SLC25A37: variants seen among roughly 807,000 people sequenced by gnomAD.
The protein encoded by SLC25A37 is mitoferrin-1.
Under a neutral mutation model 31.0 loss-of-function variants are expected in SLC25A37, and 17 were observed. The ratio of observed to expected loss-of-function variants is 0.55; its 90% CI spans 0.38 to 0.82. SLC25A37 has a LOEUF of 0.82. SLC25A37 is among the 40% of genes least tolerant of loss of function. The pLI is 0.00. For missense variants in SLC25A37, 404 were observed against 465.8 expected, an observed-to-expected ratio of 0.87 and a Z score of 1.22; for synonymous variants, 222 against 193.0, an observed-to-expected ratio of 1.15 and a Z score of -1.24.
intron 1 of SLC25A37, among the ~76,000 whole-genome samples, chr8:23,536,342 C>T (rs558503063): frequency 6.6e-6 from 1 of 152,156 alleles, no homozygotes; most frequent in Non-Finnish European, 1.5e-5. Flanking sequence ...TCTCTACTTC[C>T]TCACTGCCAC....
At position 23,529,015 on chromosome 8, in the gene SLC25A37, A is replaced by G; in HGVS notation, c.13A>G (p.Ser5Gly). The G allele has an allele frequency of 2.0e-6, 3 of 1,532,112 alleles. No individual in the cohort carries two copies. The highest frequency in any genetic ancestry group is 2.6e-6 in the Non-Finnish European group (3 of 1,139,792). 94.9% of individuals were successfully genotyped at this position (1,532,112 alleles called of 1,614,324 possible). The change falls in exon 1 of 4, where the codon AGC (serine) becomes GGC (glycine). Residue 5 changes from serine (S) to glycine (G), a missense_variant. This residue lies in a region of SLC25A37 where 154 missense variants were observed against 153.6 expected (regional missense o/e 1.00). Transcript: ENST00000519973. This position sits in a 1 kb window ranked among gnomAD's most constrained non-coding sequence, Gnocchi z 4.1. ...GCCGAGCTGGCGGATGGAGCTGCGC[A>G]GCGGGAGCGTGGGCAGCCAGGCGGT... MELR[S>G]GSVGSQAVAR...
chr8:23,550,599 T>A (rs1802197262), intron 1 of SLC25A37, among the ~76,000 whole-genome samples: 1 of 152,242 alleles, frequency 6.6e-6, no homozygotes, highest in African/African-American at 2.4e-5. Context: ...GGTGCCTGGC[T>A]CCCTGGCCTG....
At chr8:23,553,458 A>T (rs888493824) in intron 1 of SLC25A37, among the ~76,000 whole-genome samples, 1 of 152,022 alleles carries the variant, frequency 6.6e-6, no homozygotes, top group Non-Finnish European at 1.5e-5. Flanking sequence ...AAAAACCAAC[A>T]ATTTTGAGGA....
chr8:23,575,461 G>A lies in SLC25A37; in HGVS notation c.*3606G>A, dbSNP rs910176438. ...TAGAGAAAATAAAGTACTGATCTTC[G>A]AAGTGTTGTGGGCTCTGTGGTGGGA... On this transcript the variant is annotated 3_prime_UTR_variant, in exon 4 of 4. Coordinates refer to ENST00000519973, the MANE Select transcript of SLC25A37 (RefSeq NM_016612.4). 1 of 152,166 alleles carries A rather than the reference G, an allele frequency of 6.6e-6. No individual in the cohort carries two copies. Among genetic ancestry groups the A allele is most frequent in the African/African-American group, 2.4e-5 (1 of 41,422 alleles). 9.4% of individuals were successfully genotyped at this position (152,166 alleles called of 1,614,324 possible).
At position 23,529,069 on chromosome 8, in the gene SLC25A37, G is replaced by T; in HGVS notation, c.67G>T (p.Asp23Tyr). The change falls in exon 1 of 4, where the codon GAT becomes TAT. Residue 23 changes from aspartate to tyrosine, a missense_variant. Asp to Tyr is a radical substitution (Grantham distance 160). Around this residue, in one of 3 missense-constraint regions of SLC25A37, gnomAD observed 154 missense variants for 153.6 expected, o/e 1.00. Coordinates refer to ENST00000519973, the MANE Select transcript of SLC25A37 (RefSeq NM_016612.4). The surrounding 1 kb of genome is among the most constrained non-coding windows in gnomAD (Gnocchi z 4.1). ...GCGGAGGATGGATGGGGACAGCCGAGATGGCGGCGGCGGCAAGGACGCCAC... is the reference window on the plus strand; with the variant it reads ...GCGGAGGATGGATGGGGACAGCCGATATGGCGGCGGCGGCAAGGACGCCAC... The part of the protein sequence containing the change: ...VARRMDGDSR[D>Y]GGGGKDATGS... 2 of 1,593,440 alleles carry T rather than the reference G, an allele frequency of 1.3e-6. No individual in the cohort carries two copies. The highest frequency in any genetic ancestry group is 1.7e-6 in the Non-Finnish European group (2 of 1,171,166).
In SLC25A37 at chr8:23,536,869, C is replaced by T. The variant is rs111565613; in HGVS notation, c.210+7657C>T. Reference sequence around the variant, plus strand: ...CCTTGGTTCAGGGACCTGGATGTCTCCTCTTCCTTGAGATCCCAGACTGCC... The same window carrying T: ...CCTTGGTTCAGGGACCTGGATGTCTTCTCTTCCTTGAGATCCCAGACTGCC... On this transcript the variant is annotated intron_variant, in intron 1 of 3. Coordinates refer to ENST00000519973, the MANE Select transcript of SLC25A37 (RefSeq NM_016612.4). Among the ~76,000 whole-genome samples the T allele has an allele frequency of 5.2e-3, 793 of 152,294 alleles. 3 individuals are homozygous for T. Among genetic ancestry groups the T allele is most frequent in the Middle Eastern group, 0.01 (3 of 294 alleles).
rs17089330 is a variant in SLC25A37 at position 23,533,274 on chromosome 8, C to T, written c.210+4062C>T. On this transcript the variant is annotated intron_variant, in intron 1 of 3. Coordinates refer to ENST00000519973, the MANE Select transcript of SLC25A37 (RefSeq NM_016612.4). The stretch of plus-strand genomic sequence containing the variant: ...CAGGCTGGAGCGTGGTTTGGAGGCG[C>T]GTGCCCAAGAGTACTGTGAACAGCA... 2.8e-4 allele frequency among the ~76,000 whole-genome samples: 43 copies of T among 152,192 alleles called. 1 individual carries two copies. The highest frequency in any genetic ancestry group is 2.7e-3 in the Admixed American group (42 of 15,284).
chr8:23,562,796 C>T (rs1802551178), intron 1 of SLC25A37, among the ~76,000 whole-genome samples: 1 of 152,144 alleles, frequency 6.6e-6, no homozygotes. Context: ...CAGGGTCACA[C>T]CATGAGTGAT....
At chr8:23,553,028 T>C (rs1337186484) in intron 1 of SLC25A37, among the ~76,000 whole-genome samples, 18 of 152,106 alleles carry the variant, frequency 1.2e-4, no homozygotes, top group Non-Finnish European at 1.5e-4. Context: ...CACACATGGG[T>C]TGATGTGCAT....
chr8:23,531,388 AT>A (rs1801658157), intron 1 of SLC25A37, among the ~76,000 whole-genome samples: 1 of 152,214 alleles, frequency 6.6e-6, no homozygotes, highest in Non-Finnish European at 1.5e-5. Flanking sequence ...CACTTGCTTC[AT>A]GCCTCGGGCA....
At position 23,571,562 on chromosome 8, in the gene SLC25A37, G is replaced by T. The variant is rs371605159; in HGVS notation, c.724G>T (p.Gly242Trp). The T allele has an allele frequency of 1.2e-6, 2 of 1,613,616 alleles. No homozygotes were observed. Among genetic ancestry groups the T allele is most frequent in the African/African-American group, 2.7e-5 (2 of 74,924 alleles). Residue 242 changes from glycine to tryptophan, a missense_variant, in exon 4 of 4, where the codon GGG becomes TGG. Transcript: ENST00000519973. ...CCCGCAGTCCCACATCATCTCAGGC[G>T]GGCTGGCCGGGGCCCTCGCCGCGGC... The part of the protein sequence containing the change: ...YNPQSHIISG[G>W]LAGALAAAAT...
Position 23,535,324 on chromosome 8 carries a change from A to G in SLC25A37, c.210+6112A>G, listed in dbSNP as rs149964945. Among the ~76,000 whole-genome samples the G allele has an allele frequency of 5.7e-3, 865 of 152,012 alleles. 8 individuals carry two copies. The highest frequency in any genetic ancestry group is 0.02 in the African/African-American group (821 of 41,444). ...CTTCACGAGGGTCCTGTTGCCCCTT[A>G]GCTCCCCACCCTATTGTTGTCAGCC... On this transcript the variant is annotated intron_variant, in intron 1 of 3. Coordinates refer to ENST00000519973, the MANE Select transcript of SLC25A37 (RefSeq NM_016612.4).
intron 1 of SLC25A37, among the ~76,000 whole-genome samples, chr8:23,552,939 T>A (rs1234848454): frequency 6.6e-6 from 1 of 152,202 alleles, no homozygotes; most frequent in Non-Finnish European, 1.5e-5. Context: ...GCTGCCGGGC[T>A]GCAGCGTGGA....
rs1433283645 is a variant in SLC25A37 at position 23,573,566 on chromosome 8, G to C, written c.*1711G>C. On this transcript the variant is annotated 3_prime_UTR_variant, in exon 4 of 4. Coordinates refer to ENST00000519973, the MANE Select transcript of SLC25A37 (RefSeq NM_016612.4). ...GGCGCAGGCCTGGATTCTTTTGAGTGGTGCTACTGCCTAGGAAGTAACACG... is the reference window on the plus strand; with the variant it reads ...GGCGCAGGCCTGGATTCTTTTGAGTCGTGCTACTGCCTAGGAAGTAACACG... The C allele has an allele frequency of 3.6e-6, 1 of 280,488 alleles. No homozygotes were observed. Among genetic ancestry groups the C allele is most frequent in the Non-Finnish European group, 7.4e-6 (1 of 135,064 alleles). 17.4% of individuals were successfully genotyped at this position (280,488 alleles called of 1,614,324 possible).
At position 23,529,121 on chromosome 8, in the gene SLC25A37, C is replaced by T; in HGVS notation, c.119C>T (p.Pro40Leu). Residue 40 changes from proline (P) to leucine (L), a missense_variant, in exon 1 of 4, where the codon CCG becomes CTG. Transcript: ENST00000519973. This position sits in a 1 kb window ranked among gnomAD's most constrained non-coding sequence, Gnocchi z 4.1. ...GGGTCGGAGGACTACGAGAACCTGC[C>T]GACTAGCGCCTCCGTGTCCACCCAC... ...ATGSEDYENLPTSASVSTHMT... is the reference protein window; with the variant it reads ...ATGSEDYENLLTSASVSTHMT... The T allele has an allele frequency of 1.9e-6, 3 of 1,611,122 alleles. No homozygotes were observed. The highest frequency in any genetic ancestry group is 2.2e-5 in the South Asian group (2 of 90,692).
chr8:23,575,169 A>G lies in SLC25A37; in HGVS notation c.*3314A>G, dbSNP rs975073968. ...GTCCCCATAAAGCTGCATCTCCAACACATTGTTATGCCAATAAGGTTTTAT... is the reference window on the plus strand; with the variant it reads ...GTCCCCATAAAGCTGCATCTCCAACGCATTGTTATGCCAATAAGGTTTTAT... On this transcript the variant is annotated 3_prime_UTR_variant, in exon 4 of 4. Coordinates refer to ENST00000519973, the MANE Select transcript of SLC25A37 (RefSeq NM_016612.4). 6.6e-6 allele frequency: 1 copy of G among 152,164 alleles called. No homozygotes were observed. Among genetic ancestry groups the G allele is most frequent in the Non-Finnish European group, 1.5e-5 (1 of 68,040 alleles). The allele number at this position is 152,164 out of a possible 1,614,324, so 9.4% of individuals were successfully genotyped here.
intron 1 of SLC25A37, among the ~76,000 whole-genome samples, chr8:23,549,322 C>T (rs555690772): frequency 5.3e-5 from 8 of 152,274 alleles, no homozygotes; most frequent in South Asian, 2.1e-4. Flanking sequence ...TCTGGCCAGA[C>T]GGCTTTGGTT....
At position 23,529,328 on chromosome 8, in the gene SLC25A37, G is replaced by C; in HGVS notation, c.210+116G>C. ...CGTCCCGAAACCGAGCTCTCCCCAG[G>C]ACCGCGGCTGGCCGGGGTCGCCCCA... On this transcript the variant is annotated intron_variant, in intron 1 of 3. Coordinates refer to ENST00000519973, the MANE Select transcript of SLC25A37 (RefSeq NM_016612.4). This position sits in a 1 kb window ranked among gnomAD's most constrained non-coding sequence, Gnocchi z 4.1. 2.0e-6 allele frequency: 2 copies of C among 1,009,840 alleles called. No homozygotes were observed. Among genetic ancestry groups the C allele is most frequent in the Non-Finnish European group, 2.7e-6 (2 of 737,636 alleles). The allele number at this position is 1,009,840 out of a possible 1,614,324, so 62.6% of individuals were successfully genotyped here.
rs934130426 is a variant in SLC25A37, at chr8:23,573,380, G to C, written c.*1525G>C. ...GGTGCTCTGCCAGGCTGCCGTGCAA[G>C]GGAATACCGACGAGACGAGCTGCAC... On this transcript the variant is annotated 3_prime_UTR_variant, in exon 4 of 4. Transcript: ENST00000519973. 2 of 160,062 alleles carry C rather than the reference G, an allele frequency of 1.2e-5. No individual in the cohort carries two copies. The highest frequency in any genetic ancestry group is 4.8e-5 in the African/African-American group (2 of 41,908). The allele number at this position is 160,062 out of a possible 1,614,324, so 9.9% of individuals were successfully genotyped here.
Sources: allele counts gnomAD v4.1 joint callset (sites outside exome capture counted in the v4.1 genomes callset), GRCh38; gene constraint gnomAD v4.1.1; regional missense constraint gnomAD v4.1.1; non-coding constraint Gnocchi (gnomAD v3.1); transcripts MANE v1.5; gene names NCBI Gene and HGNC (gene_info 2026-07-23, HGNC 2026-07-21).